The following CHN2 variants were observed in gnomAD, a reference collection of about 807,000 sequenced individuals.
CHN2 encodes the protein beta-chimaerin.
CHN2 carries 35 observed loss-of-function variants against 56.3 expected under a neutral mutation model. That is an observed-to-expected ratio of 0.62 (90% CI 0.47 to 0.82). The LOEUF (loss-of-function observed/expected upper bound fraction) is 0.82, where lower values mean the gene tolerates loss of function less well. CHN2 is among the 40% of genes least tolerant of loss of function. The pLI is 0.00. For synonymous variants in CHN2, 210 were observed against 212.8 expected, an observed-to-expected ratio of 0.99 and a Z score of 0.12; for missense variants, 491 against 580.5, an observed-to-expected ratio of 0.85 and a Z score of 1.58.
At chr7:29,235,803 G>A (rs1053594653) in intron 1 of CHN2, among the ~76,000 whole-genome samples, 9 of 152,130 alleles carry the variant, frequency 5.9e-5, no homozygotes, top group East Asian at 1.9e-4. Flanking sequence ...ACCAAATACC[G>A]CATGTTCTCA....
rs1488328684 is a variant in CHN2, at chr7:29,512,690, G to A, written c.1362G>A (p.Lys454=). The A allele has an allele frequency of 6.2e-7, 1 of 1,614,220 alleles. No individual in the cohort carries two copies. The highest frequency in any genetic ancestry group is 8.5e-7 in the Non-Finnish European group (1 of 1,180,036). Residue 454 remains lysine (K), a synonymous_variant, in exon 13 of 13, where the codon AAG becomes AAA. Transcript: ENST00000222792. Reference sequence around the variant, plus strand: ...CCCTGCATGATATGCGGTACCAAAAGCTGATTGTGCAGATTTTAATAGAAA... The same window carrying A: ...CCCTGCATGATATGCGGTACCAAAAACTGATTGTGCAGATTTTAATAGAAA... ...LTTLHDMRYQ[K]LIVQILIENE...
intron 12 of CHN2, 28 bp from the exon 13 acceptor site, chr7:29,512,536 G>A (rs758800224): frequency 2.5e-6 from 4 of 1,584,364 alleles, no homozygotes; most frequent in Non-Finnish European, 3.4e-6. Flanking sequence ...TCTCCATAAT[G>A]TCTCTGTTCT....
rs752511079 is a variant in CHN2 at position 29,314,485 on chromosome 7, G to A, written c.50-40140G>A. On this transcript the variant is annotated intron_variant, in intron 1 of 12. Coordinates refer to ENST00000222792, the MANE Select transcript of CHN2 (RefSeq NM_004067.4). The stretch of plus-strand genomic sequence containing the variant: ...TCACAACCATGTCAATGTACCTAAC[G>A]CTACTGAACTGTACACTTCAAAGTT... Among the ~76,000 whole-genome samples the A allele has an allele frequency of 7.2e-5, 11 of 152,158 alleles. 1 individual carries two copies. Among genetic ancestry groups the A allele is most frequent in the African/African-American group, 7.2e-5 (3 of 41,438 alleles).
At chr7:29,251,626 C>G (rs922952004) in intron 1 of CHN2, among the ~76,000 whole-genome samples, 1 of 152,114 alleles carries the variant, frequency 6.6e-6, no homozygotes, top group African/African-American at 2.4e-5. Flanking sequence ...CTAACACTTA[C>G]ACAGAATTTC....
chr7:29,303,763 G>A (rs1793913182), intron 1 of CHN2, among the ~76,000 whole-genome samples: 1 of 152,172 alleles, frequency 6.6e-6, no homozygotes, highest in African/African-American at 2.4e-5. Flanking sequence ...CCTTCTTTCT[G>A]AAGTCATGAA....
intron 6 of CHN2, among the ~76,000 whole-genome samples, chr7:29,467,065 G>T (rs1378533087): frequency 6.6e-6 from 1 of 151,932 alleles, no homozygotes; most frequent in Admixed American, 6.6e-5. Context: ...CCATATTATT[G>T]TACACTCTTC....
chr7:29,354,473 T>C, intron 1 of CHN2, 152 bp from the exon 2 acceptor site: 1 of 671,328 alleles, frequency 1.5e-6, no homozygotes, highest in Non-Finnish European at 2.6e-6. Context: ...TCCCCTCCCC[T>C]GTGTCTGGAA....
At chr7:29,372,343 C>T (rs932413853) in intron 3 of CHN2, among the ~76,000 whole-genome samples, 2 of 152,258 alleles carry the variant, frequency 1.3e-5, no homozygotes, top group Non-Finnish European at 2.9e-5. Flanking sequence ...TAATAAGAGG[C>T]CCTTCCTAAA....
chr7:29,203,774 G>C (rs1784331161), intron 1 of CHN2, among the ~76,000 whole-genome samples: 1 of 152,142 alleles, frequency 6.6e-6, no homozygotes, highest in African/African-American at 2.4e-5. Context: ...ACTCAGCCCT[G>C]ATTCTCAGGT....
intron 2 of CHN2, among the ~76,000 whole-genome samples, chr7:29,170,046 G>A (rs1452669839): frequency 6.6e-6 from 1 of 151,908 alleles, no homozygotes; most frequent in Non-Finnish European, 1.5e-5. Flanking sequence ...CAGCTGTGGT[G>A]TCCTTTTGAT....
intron 6 of CHN2, among the ~76,000 whole-genome samples, chr7:29,409,797 T>G (rs934122282): frequency 1.6e-4 from 24 of 152,222 alleles, no homozygotes. Flanking sequence ...CCCCAAACAT[T>G]GGTGGGCCAC....
chr7:29,210,002 T>C (rs887359261), intron 1 of CHN2, among the ~76,000 whole-genome samples: 1 of 152,192 alleles, frequency 6.6e-6, no homozygotes, highest in Non-Finnish European at 1.5e-5. Flanking sequence ...ACTTTTTGTG[T>C]GTCCAGGGGC....
chr7:29,440,833 G>A (rs1783594426), intron 6 of CHN2, among the ~76,000 whole-genome samples: 1 of 152,058 alleles, frequency 6.6e-6, no homozygotes, highest in Admixed American at 6.6e-5. Context: ...TACATCTGTG[G>A]CCAATTGATT....
At chr7:29,496,762 G>A (rs1789341809) in intron 8 of CHN2, among the ~76,000 whole-genome samples, 1 of 152,126 alleles carries the variant, frequency 6.6e-6, no homozygotes, top group Non-Finnish European at 1.5e-5. Context: ...TCTTATTAAG[G>A]TACATCTAAC....
intron 1 of CHN2, among the ~76,000 whole-genome samples, chr7:29,264,240 G>A (rs965551961): frequency 1.3e-5 from 2 of 149,802 alleles, no homozygotes; most frequent in Non-Finnish European, 3.0e-5. Flanking sequence ...GAGGTGGGGG[G>A]CCCCTCTGCC....
intron 6 of CHN2, among the ~76,000 whole-genome samples, chr7:29,417,262 A>G (rs1162038047): frequency 6.6e-6 from 1 of 151,972 alleles, no homozygotes; most frequent in African/African-American, 2.4e-5. Flanking sequence ...AAGGAAAAGG[A>G]AGAGAGAGGG....
intron 2 of CHN2, among the ~76,000 whole-genome samples, chr7:29,154,928 T>C (rs1794124697): frequency 6.6e-6 from 1 of 152,226 alleles, no homozygotes; most frequent in Admixed American, 6.5e-5. Flanking sequence ...TCCATGTGGC[T>C]GGGGAAGCCT....
At chr7:29,192,107 G>A (rs1018051767), upstream of CHN2, 4 of 152,188 alleles carry the variant, frequency 2.6e-5, no homozygotes, top group Admixed American at 6.5e-5. Context: ...GGGTGTCAAA[G>A]TTATAGCTCA....
chr7:29,451,369 C>T (rs930755438), intron 6 of CHN2, among the ~76,000 whole-genome samples: 9 of 152,032 alleles, frequency 5.9e-5, no homozygotes, highest in African/African-American at 1.7e-4. Flanking sequence ...TGTGATTAAG[C>T]GTGGTGCACA....
Sources: allele counts gnomAD v4.1 joint callset (sites outside exome capture counted in the v4.1 genomes callset), GRCh38; gene constraint gnomAD v4.1.1; transcripts MANE v1.5; gene names NCBI Gene and HGNC (gene_info 2026-07-23, HGNC 2026-07-21).